DCAF13: variants seen among roughly 807,000 people sequenced by gnomAD.
DCAF13 encodes DDB1 and CUL4 associated factor 13.
DCAF13 carries 38 observed loss-of-function variants against 59.0 expected under a neutral mutation model. The observed-to-expected ratio is 0.64, with a 90% CI of 0.50 to 0.84. The LOEUF is 0.84. Ranked by LOEUF, DCAF13 falls within the 40% of genes least tolerant of loss-of-function variation. The pLI is 0.00. For synonymous variants in DCAF13, 173 were observed against 175.0 expected, an observed-to-expected ratio of 0.99 and a Z score of 0.09; for missense variants, 469 against 558.4, an observed-to-expected ratio of 0.84 and a Z score of 1.61.
intron 1 of DCAF13, among the ~76,000 whole-genome samples, chr8:103,417,122 C>CT (rs373525321): frequency 3.1e-3 from 467 of 152,332 alleles, no homozygotes; most frequent in African/African-American, 0.011. Context: ...CAGTCCCACT[C>CT]TTTAAGAGGT....
intron 1 of DCAF13, among the ~76,000 whole-genome samples, chr8:103,416,204 TTGAA>T (rs1490710395): frequency 5.9e-5 from 9 of 152,302 alleles, no homozygotes; most frequent in Non-Finnish European, 8.8e-5. Flanking sequence ...TGTCATTAGT[TTGAA>T]TGAGGAGTAA....
In DCAF13 at chr8:103,415,392, G is replaced by T; in HGVS notation, c.-55G>T. On this transcript the variant is annotated 5_prime_UTR_variant, in exon 1 of 11. Transcript: ENST00000612750. ...AAGTCGCCTGTGGGAGGAGGTGGCG[G>T]TGGGCGGAACTCCTAGCGGACACCT... 6.2e-7 allele frequency: 1 copy of T among 1,614,202 alleles called. No individual in the cohort carries two copies. The highest frequency in any genetic ancestry group is 1.1e-5 in the South Asian group (1 of 91,090).
At chr8:103,421,557 C>G (rs979856035) in intron 3 of DCAF13, among the ~76,000 whole-genome samples, 1 of 152,178 alleles carries the variant, frequency 6.6e-6, no homozygotes, top group African/African-American at 2.4e-5. Flanking sequence ...TTCATCATCC[C>G]CAGCTGAAAC....
intron 5 of DCAF13, chr8:103,428,224 A>G (rs1586130175): frequency 6.6e-6 from 1 of 152,038 alleles, no homozygotes; most frequent in African/African-American, 2.4e-5. Context: ...GTCAGAGGAC[A>G]CTCTTCCTGC....
intron 10 of DCAF13, 71 bp downstream of exon 10, chr8:103,441,689 A>C: frequency 7.0e-7 from 1 of 1,436,342 alleles, no homozygotes; most frequent in Non-Finnish European, 9.6e-7. Context: ...AAACAAAGTT[A>C]ACTGCCATTC....
chr8:103,441,503 G>C lies in DCAF13; in HGVS notation c.1135G>C (p.Glu379Gln). ...CAAGGATTATAACCAGAAATTGAAG[G>C]AGAAATTTCAGCATTATCCTCATAT... is the stretch of plus-strand genomic sequence containing the variant. ...AAKDYNQKLK[E>Q]KFQHYPHIKR... The change falls in exon 10 of 11, where the codon GAG becomes CAG. Residue 379 changes from glutamate (E) to glutamine (Q), a missense_variant. Glu to Gln is a conservative substitution (Grantham distance 29). Around this residue, in one of 3 missense-constraint regions of DCAF13, gnomAD observed 84 missense variants for 92.3 expected, o/e 0.91. Transcript: ENST00000612750. The C allele has an allele frequency of 1.3e-6, 2 of 1,599,772 alleles. No homozygotes were observed. The highest frequency in any genetic ancestry group is 1.7e-6 in the Non-Finnish European group (2 of 1,176,598).
rs1816988918 is a variant in DCAF13, at chr8:103,440,135, G to A, written c.951-1G>A. ...GTTTTAACTTAATTCGTTTTCTATAGGGAGGTATATCATACAAAGAGAATG... is the reference window on the plus strand; with the variant it reads ...GTTTTAACTTAATTCGTTTTCTATAAGGAGGTATATCATACAAAGAGAATG... On this transcript the variant is annotated splice_acceptor_variant, in intron 8 of 10. Transcript: ENST00000612750. LOFTEE classifies it high-confidence loss of function. 6.4e-7 allele frequency: 1 copy of A among 1,560,720 alleles called. No homozygotes were observed. Among genetic ancestry groups the A allele is most frequent in the Non-Finnish European group, 8.6e-7 (1 of 1,160,844 alleles).
rs762519951 is a variant in DCAF13, at chr8:103,426,073, T to G, written c.396T>G (p.Thr132=). 10 of 1,612,440 alleles carry G rather than the reference T, an allele frequency of 6.2e-6. No individual in the cohort carries two copies. The Admixed American group carries it at 6.7e-5, about 11-fold the overall frequency. Residue 132 remains threonine, a synonymous_variant, in exon 4 of 11, where the codon ACT becomes ACG. Coordinates refer to ENST00000612750, the MANE Select transcript of DCAF13 (RefSeq NM_015420.7). ...ATTTCTAGGTTGGTGATGACAAAAC[T>G]GTGAAGCAGTGGAAAATGGATGGGC... is the stretch of plus-strand genomic sequence containing the variant. The part of the protein sequence containing the change: ...TSFFTVGDDK[T]VKQWKMDGPG...
At chr8:103,429,596 A>G (rs1335227373) in intron 5 of DCAF13, 1 of 152,232 alleles carries the variant, frequency 6.6e-6, no homozygotes, top group Non-Finnish European at 1.5e-5. Context: ...TTATGTGAGT[A>G]CCATGCACAT....
chr8:103,435,842 GA>G, intron 8 of DCAF13, 52 bp downstream of exon 8: 1 of 1,567,338 alleles, frequency 6.4e-7, no homozygotes, highest in South Asian at 1.1e-5. Flanking sequence ...TAACAATGGG[GA>G]TGCATTCTGA....
In DCAF13 at chr8:103,420,873, T is replaced by C. The variant is rs1422386370; in HGVS notation, c.271-102T>C. ...GTTTTAATCCAAAGGATTTTGGTTT[T>C]AGCTGCCCAGTAGAGTGATTCGTAG... On this transcript the variant is annotated intron_variant, in intron 2 of 10. Transcript: ENST00000612750. 6 of 849,506 alleles carry C rather than the reference T, an allele frequency of 7.1e-6. No individual in the cohort carries two copies. The Admixed American group carries it at 1.3e-4, about 19-fold the overall frequency. 52.6% of individuals were successfully genotyped at this position (849,506 alleles called of 1,614,324 possible). A position where few individuals can be genotyped will look rare whatever the true frequency, so the allele number is the denominator to read the frequency against.
intron 1 of DCAF13, among the ~76,000 whole-genome samples, chr8:103,418,866 ATTTTTTTTTTTTTTTT>A (rs1159489554): frequency 3.1e-4 from 12 of 38,432 alleles, no homozygotes; most frequent in Admixed American, 7.1e-4. Flanking sequence ...ATATATATAT[ATTTTTTTTTTTTTTTT>A]TTTTTTTTTT....
intron 3 of DCAF13, among the ~76,000 whole-genome samples, chr8:103,422,770 CTT>C (rs905242054): frequency 2.0e-5 from 3 of 152,076 alleles, no homozygotes; most frequent in African/African-American, 7.2e-5. Context: ...TTACTGGTGA[CTT>C]TTTAAAAAAC....
chr8:103,437,017 T>A (rs1816943697), intron 8 of DCAF13, among the ~76,000 whole-genome samples: 1 of 152,182 alleles, frequency 6.6e-6, no homozygotes, highest in Admixed American at 6.5e-5. Context: ...TCACTGTTTA[T>A]CTGATTATGA....
chr8:103,428,638 A>G (rs907679746), intron 5 of DCAF13: 12 of 152,324 alleles, frequency 7.9e-5, no homozygotes, highest in African/African-American at 2.6e-4. Context: ...CCAAGTGTAA[A>G]AGTTGATAAC....
At chr8:103,438,658 G>A (rs1007298590) in intron 8 of DCAF13, among the ~76,000 whole-genome samples, 1 of 152,054 alleles carries the variant, frequency 6.6e-6, no homozygotes. Flanking sequence ...TCTCACCAAA[G>A]TACTGGGATT....
At chr8:103,434,832 T>G (rs1472656513) in intron 7 of DCAF13, among the ~76,000 whole-genome samples, 1 of 152,102 alleles carries the variant, frequency 6.6e-6, no homozygotes, top group African/African-American at 2.4e-5. Flanking sequence ...TTACCAATTG[T>G]GCATAAAGTA....
chr8:103,418,163 T>C (rs1488517818), intron 1 of DCAF13, among the ~76,000 whole-genome samples: 2 of 150,716 alleles, frequency 1.3e-5, no homozygotes, highest in African/African-American at 2.4e-5. Context: ...CTGATAATAG[T>C]GTAAATTGCC....
chr8:103,418,454 G>T (rs1406439608), intron 1 of DCAF13, among the ~76,000 whole-genome samples: 1 of 152,042 alleles, frequency 6.6e-6, no homozygotes, highest in African/African-American at 2.4e-5. Flanking sequence ...GATCACTTAA[G>T]CCCTGGAGGT....
Sources: allele counts gnomAD v4.1 joint callset (sites outside exome capture counted in the v4.1 genomes callset), GRCh38; gene constraint gnomAD v4.1.1; regional missense constraint gnomAD v4.1.1; transcripts MANE v1.5; gene names NCBI Gene and HGNC (gene_info 2026-07-23, HGNC 2026-07-21).